Variants in WWC1 observed in about 807,000 individuals in gnomAD.
The protein encoded by WWC1 is WW and C2 domain containing 1.
Under a neutral mutation model 138.4 loss-of-function variants are expected in WWC1, and 55 were observed. The observed-to-expected ratio is 0.40, with a 90% CI of 0.32 to 0.50. The LOEUF (loss-of-function observed/expected upper bound fraction) is 0.50. WWC1 is among the 20% of genes least tolerant of loss of function. The pLI, the probability that WWC1 is intolerant of heterozygous loss-of-function variation, is 0.72. For synonymous variants in WWC1, 524 were observed against 564.9 expected (o/e 0.93, Z 1.03); for missense variants, 1,226 against 1,420.4 (o/e 0.86, Z 2.20).
intron 1 of WWC1, among the ~76,000 whole-genome samples, chr5:168,303,464 CT>C (rs767195703): frequency 2.0e-5 from 3 of 152,044 alleles, no homozygotes; most frequent in Non-Finnish European, 2.9e-5. Flanking sequence ...AAAAAATGAG[CT>C]GGGCATGGTG....
chr5:168,429,179 G>A (rs1015521870), intron 13 of WWC1, among the ~76,000 whole-genome samples: 1 of 151,976 alleles, frequency 6.6e-6, no homozygotes, highest in East Asian at 1.9e-4. Flanking sequence ...GATCACTGGG[G>A]GCTGCAGCCC....
chr5:168,448,162 G>T (rs956435785), intron 17 of WWC1, among the ~76,000 whole-genome samples: 13 of 152,056 alleles, frequency 8.5e-5, no homozygotes, highest in African/African-American at 2.9e-4. Flanking sequence ...CTGCTGTAGT[G>T]GGGCAAACCA....
At chr5:168,295,586 G>C (rs930430418) in intron 1 of WWC1, among the ~76,000 whole-genome samples, 1 of 151,400 alleles carries the variant, frequency 6.6e-6, no homozygotes, top group Non-Finnish European at 1.5e-5. Flanking sequence ...GAATTTAAAA[G>C]AAGTAAGTCA....
At chr5:168,387,430 C>T (rs956451847) in intron 3 of WWC1, among the ~76,000 whole-genome samples, 1 of 152,210 alleles carries the variant, frequency 6.6e-6, no homozygotes, top group Non-Finnish European at 1.5e-5. Flanking sequence ...AACTGTGTTA[C>T]ATTCATTAGC....
At chr5:168,463,441 C>T (rs1291077088) in intron 20 of WWC1, among the ~76,000 whole-genome samples, 1 of 152,164 alleles carries the variant, frequency 6.6e-6, no homozygotes. Context: ...CTACAACATG[C>T]TTTATTTACT....
chr5:168,305,484 T>C (rs2152744234), intron 1 of WWC1, among the ~76,000 whole-genome samples: 1 of 152,332 alleles, frequency 6.6e-6, no homozygotes, highest in East Asian at 1.9e-4. Context: ...GTCTTTTCTA[T>C]TCTTGGTTAA....
intron 8 of WWC1, 164 bp from the exon 9 acceptor site, chr5:168,414,184 C>T (rs1582210626): frequency 2.0e-6 from 2 of 1,019,326 alleles, no homozygotes; most frequent in Non-Finnish European, 2.8e-6. Context: ...TAGGCACCCA[C>T]ATGTGTTTGT....
chr5:168,419,321 A>G (rs915569515), intron 9 of WWC1, among the ~76,000 whole-genome samples: 7 of 151,148 alleles, frequency 4.6e-5, no homozygotes, highest in Non-Finnish European at 2.9e-5. Context: ...AGGTATAATA[A>G]TATGCAGGTC....
chr5:168,404,157 C>T (rs1483986747), intron 5 of WWC1, among the ~76,000 whole-genome samples: 1 of 152,100 alleles, frequency 6.6e-6, no homozygotes, highest in African/African-American at 2.4e-5. Flanking sequence ...CCCTTCTTGC[C>T]CTGTTGGCAG....
chr5:168,460,875 C>T (rs745787392), intron 20 of WWC1, 133 bp downstream of exon 20: 7 of 897,136 alleles, frequency 7.8e-6, no homozygotes, highest in Non-Finnish European at 1.2e-5. Flanking sequence ...GTTGCTCTCT[C>T]AAGCATTTGC....
At chr5:168,320,496 C>T (rs116414651) in intron 1 of WWC1, among the ~76,000 whole-genome samples, 2,783 of 152,284 alleles carry the variant, frequency 0.018, 86 homozygotes, top group African/African-American at 0.062. Context: ...CAAGACCTCT[C>T]TGTGCTTCAG....
At chr5:168,403,019 TTTCTTTCTTTC>T (rs1779445319) in intron 5 of WWC1, among the ~76,000 whole-genome samples, 1 of 101,974 alleles carries the variant, frequency 9.8e-6, no homozygotes, top group Non-Finnish European at 1.9e-5. Context: ...TCTTTCTTTC[TTTCTTTCTTTC>T]TTTCTTTCTT....
At chr5:168,368,582 T>C (rs1295792795) in intron 1 of WWC1, among the ~76,000 whole-genome samples, 1 of 152,170 alleles carries the variant, frequency 6.6e-6, no homozygotes, top group African/African-American at 2.4e-5. Flanking sequence ...ATCTCTCTGG[T>C]GGCCTGACCA....
chr5:168,320,581 T>C (rs1316860416), intron 1 of WWC1, among the ~76,000 whole-genome samples: 1 of 152,214 alleles, frequency 6.6e-6, no homozygotes, highest in Non-Finnish European at 1.5e-5. Flanking sequence ...TTAATAGAGA[T>C]AAGTCCCATA....
At chr5:168,302,236 G>A (rs981372578) in intron 1 of WWC1, among the ~76,000 whole-genome samples, 3 of 152,314 alleles carry the variant, frequency 2.0e-5, no homozygotes, top group Admixed American at 6.5e-5. Context: ...TGAGCATGGT[G>A]GTGTTGCAGG....
chr5:168,323,050 TTTC>T (rs1772247146), intron 1 of WWC1, among the ~76,000 whole-genome samples: 1 of 152,202 alleles, frequency 6.6e-6, no homozygotes, highest in Non-Finnish European at 1.5e-5. Flanking sequence ...CTTTAAAAAA[TTTC>T]TTCGTTTCTT....
At chr5:168,452,252 AATTCT>A (rs1755900682) in intron 17 of WWC1, among the ~76,000 whole-genome samples, 1 of 152,074 alleles carries the variant, frequency 6.6e-6, no homozygotes, top group Admixed American at 6.6e-5. Context: ...ATGACCCAGT[AATTCT>A]ATTATCTGTT....
chr5:168,416,117 T>G (rs904309039), intron 9 of WWC1: 1 of 152,124 alleles, frequency 6.6e-6, no homozygotes, highest in Non-Finnish European at 1.5e-5. Context: ...TGGTGCCAGG[T>G]GGATCGGGTT....
chr5:168,452,567 G>T (rs1755929111), intron 17 of WWC1, among the ~76,000 whole-genome samples: 1 of 152,194 alleles, frequency 6.6e-6, no homozygotes, highest in Non-Finnish European at 1.5e-5. Context: ...CTCCAGGACT[G>T]CCAGAAATCA....
Sources: gnomAD v4.1 joint callset for allele counts (sites outside exome capture counted in the v4.1 genomes callset) on GRCh38, gnomAD v4.1.1 for gene constraint, MANE v1.5 for transcripts, NCBI Gene and HGNC (gene_info 2026-07-23, HGNC 2026-07-21) for gene names.